POU6F2: variants seen among roughly 807,000 people sequenced by gnomAD.
The protein encoded by POU6F2 is POU domain, class 6, transcription factor 2.
A neutral mutation model predicts 71.3 loss-of-function variants in POU6F2; 31 were observed. The ratio of observed to expected loss-of-function variants is 0.43; its 90% CI spans 0.33 to 0.59. The LOEUF (loss-of-function observed/expected upper bound fraction) is 0.59. Ranked by LOEUF, POU6F2 falls within the 20% of genes least tolerant of loss-of-function variation. The pLI, the probability that POU6F2 is intolerant of heterozygous loss-of-function variation, is 0.04. For synonymous variants in POU6F2, 347 were observed against 355.7 expected (o/e 0.98, Z 0.27); for missense variants, 783 against 856.8 (o/e 0.91, Z 1.07).
At chr7:39,006,981 A>G in intron 1 of POU6F2, 2 of 1,054,476 alleles carry the variant, frequency 1.9e-6, no homozygotes, top group Non-Finnish European at 2.9e-6. Context: ...CCTTGAGTCA[A>G]ATGAGTGAGA....
chr7:39,070,882 T>G (rs1390278021), intron 1 of POU6F2, among the ~76,000 whole-genome samples: 1 of 152,180 alleles, frequency 6.6e-6, no homozygotes. Context: ...TAATTTTAGC[T>G]GCAAGAGGGC....
At chr7:39,040,385 A>G (rs1444710792) in intron 1 of POU6F2, among the ~76,000 whole-genome samples, 2 of 151,334 alleles carry the variant, frequency 1.3e-5, no homozygotes, top group African/African-American at 4.8e-5. Context: ...TAGTTATCCT[A>G]TCTTTAAGAC....
rs566989453 is a variant in POU6F2 at position 39,065,207 on chromosome 7, C to T, written c.106-20653C>T. On this transcript the variant is annotated intron_variant, in intron 1 of 9. Transcript: ENST00000518318. ...TCAAAAACACAGTCTCTTCCATAATCGGTTACAATTAAAAATTAATAATAG... is the reference window on the plus strand; with the variant it reads ...TCAAAAACACAGTCTCTTCCATAATTGGTTACAATTAAAAATTAATAATAG... 1.1e-3 allele frequency among the ~76,000 whole-genome samples: 168 copies of T among 151,698 alleles called. 1 individual carries two copies. The highest frequency in any genetic ancestry group is 1.7e-4 in the African/African-American group (7 of 41,504).
chr7:39,462,097 T>C (rs1201984057), intron 9 of POU6F2, among the ~76,000 whole-genome samples: 1 of 152,232 alleles, frequency 6.6e-6, no homozygotes, highest in Non-Finnish European at 1.5e-5. Context: ...GTGATTTTCT[T>C]TTATTGATAC....
intron 7 of POU6F2, among the ~76,000 whole-genome samples, chr7:39,442,071 C>T (rs946007825): frequency 3.9e-5 from 6 of 152,152 alleles, no homozygotes; most frequent in Admixed American, 3.9e-4. Flanking sequence ...CGAAAACAAA[C>T]CCATTCTTGG....
chr7:39,445,595 C>A (rs991316724), intron 7 of POU6F2, among the ~76,000 whole-genome samples: 4 of 152,194 alleles, frequency 2.6e-5, no homozygotes, highest in Non-Finnish European at 5.9e-5. Context: ...CTCTGAATGC[C>A]AAAAGGATAA....
intron 4 of POU6F2, among the ~76,000 whole-genome samples, chr7:39,258,171 T>G (rs770349824): frequency 4.6e-5 from 7 of 152,212 alleles, no homozygotes; most frequent in Non-Finnish European, 1.0e-4. Flanking sequence ...GTAGATGACT[T>G]GGTTATGACT....
At chr7:39,023,373 G>T (rs1460559299) in intron 1 of POU6F2, among the ~76,000 whole-genome samples, 2 of 151,908 alleles carry the variant, frequency 1.3e-5, no homozygotes, top group Non-Finnish European at 2.9e-5. Context: ...TGTTGTTTGT[G>T]CTTTCAGTAT....
At chr7:39,463,077 G>T (rs1198869838) in intron 9 of POU6F2, among the ~76,000 whole-genome samples, 1 of 152,226 alleles carries the variant, frequency 6.6e-6, no homozygotes, top group African/African-American at 2.4e-5. Context: ...CACTGTAAAA[G>T]GGAGAGGAGA....
intron 1 of POU6F2, among the ~76,000 whole-genome samples, chr7:39,063,097 A>G (rs542824085): frequency 6.6e-6 from 1 of 152,292 alleles, no homozygotes; most frequent in African/African-American, 2.4e-5. Context: ...GACTCATATA[A>G]AGGTGCTACA....
chr7:39,275,158 T>C (rs1037743311), intron 4 of POU6F2, among the ~76,000 whole-genome samples: 1 of 152,164 alleles, frequency 6.6e-6, no homozygotes, highest in Non-Finnish European at 1.5e-5. Context: ...AACCCCATTG[T>C]CTCAGCCCAA....
At chr7:39,430,696 G>C (rs559032350) in intron 6 of POU6F2, among the ~76,000 whole-genome samples, 3 of 152,256 alleles carry the variant, frequency 2.0e-5, no homozygotes, top group Admixed American at 1.3e-4. Flanking sequence ...CATGTGCTGT[G>C]CTCACCCTGA....
At chr7:39,165,086 C>T (rs1041757001) in intron 2 of POU6F2, among the ~76,000 whole-genome samples, 1 of 152,186 alleles carries the variant, frequency 6.6e-6, no homozygotes, top group Non-Finnish European at 1.5e-5. Flanking sequence ...TGTCATGCTT[C>T]CCCGGGGATT....
intron 5 of POU6F2, among the ~76,000 whole-genome samples, chr7:39,398,785 A>G (rs1787233962): frequency 6.6e-6 from 1 of 152,242 alleles, no homozygotes; most frequent in Non-Finnish European, 1.5e-5. Context: ...CCTAGAAGGA[A>G]TACAATTATT....
chr7:39,441,588 T>C (rs1163759693), intron 7 of POU6F2, among the ~76,000 whole-genome samples: 1 of 151,910 alleles, frequency 6.6e-6, no homozygotes, highest in Non-Finnish European at 1.5e-5. Flanking sequence ...AAACCCAGAG[T>C]GTGGTGATCT....
intron 5 of POU6F2, among the ~76,000 whole-genome samples, chr7:39,341,933 C>G (rs189309039): frequency 1.3e-5 from 2 of 152,312 alleles, no homozygotes; most frequent in East Asian, 3.9e-4. Flanking sequence ...AACAGTTTCT[C>G]GTGGAAATCC....
chr7:39,394,594 C>T (rs1787136347), intron 5 of POU6F2, among the ~76,000 whole-genome samples: 1 of 152,330 alleles, frequency 6.6e-6, no homozygotes, highest in East Asian at 1.9e-4. Flanking sequence ...GGTTCCTGAG[C>T]TCCATCTCCT....
chr7:39,193,012 C>T (rs1335611059), intron 2 of POU6F2, among the ~76,000 whole-genome samples: 1 of 152,110 alleles, frequency 6.6e-6, no homozygotes. Context: ...GGGCATTGTG[C>T]ATCACCTAGG....
At chr7:39,240,074 G>C (rs563881207) in intron 4 of POU6F2, among the ~76,000 whole-genome samples, 1 of 152,204 alleles carries the variant, frequency 6.6e-6, no homozygotes, top group South Asian at 2.1e-4. Flanking sequence ...TTTATTTAGT[G>C]CTGATTCTAC....
Sources: allele counts gnomAD v4.1 joint callset (sites outside exome capture counted in the v4.1 genomes callset), GRCh38; gene constraint gnomAD v4.1.1; transcripts MANE v1.5; gene names NCBI Gene and HGNC (gene_info 2026-07-23, HGNC 2026-07-21).